The following TTPAL variants were observed in gnomAD, a reference collection of about 807,000 sequenced individuals.
The protein encoded by TTPAL is alpha tocopherol transfer protein like.
Under a neutral mutation model 28.7 loss-of-function variants are expected in TTPAL, and 21 were observed. The ratio of observed to expected loss-of-function variants is 0.73; its 90% CI spans 0.52 to 1.06. The LOEUF (loss-of-function observed/expected upper bound fraction) is 1.06, where lower values mean the gene tolerates loss of function less well. Ranked by LOEUF, TTPAL falls within the 50% of genes least tolerant of loss-of-function variation. TTPAL has a pLI of 0.00. For missense variants in TTPAL, 345 were observed against 425.5 expected, an observed-to-expected ratio of 0.81 and a Z score of 1.67; for synonymous variants, 169 against 171.9, an observed-to-expected ratio of 0.98 and a Z score of 0.13.
intron 1 of TTPAL, among the ~76,000 whole-genome samples, chr20:44,476,388 G>C (rs943359374): frequency 2.6e-5 from 4 of 152,330 alleles, no homozygotes; most frequent in Middle Eastern, 3.4e-3. Flanking sequence ...CTGAGTCCCT[G>C]GAGAGTCAAC....
Position 44,489,509 on chromosome 20 carries a change from G to A in TTPAL, c.997G>A (p.Ala333Thr). 6.2e-7 allele frequency: 1 copy of A among 1,614,232 alleles called. No individual in the cohort carries two copies. The highest frequency in any genetic ancestry group is 8.5e-7 in the Non-Finnish European group (1 of 1,180,036). ...TGCACAGTGTGACGACTCCTTGCGAGCTGTGAAGTCACAGCTGTACTCCTG... is the reference window on the plus strand; with the variant it reads ...TGCACAGTGTGACGACTCCTTGCGAACTGTGAAGTCACAGCTGTACTCCTG... Reference protein sequence around the residue: ...SDAQCDDSLRAVKSQLYSCY With the variant: ...SDAQCDDSLRTVKSQLYSCY The change falls in exon 5 of 5, where the codon GCT becomes ACT. Residue 333 changes from alanine to threonine, a missense_variant. Physicochemically the swap from Ala to Thr is moderately conservative, Grantham distance 58. Transcript: ENST00000262605.
intron 2 of TTPAL, among the ~76,000 whole-genome samples, chr20:44,483,668 T>C (rs1355909970): frequency 6.6e-6 from 1 of 152,198 alleles, no homozygotes; most frequent in Non-Finnish European, 1.5e-5. Context: ...CAGATGTCCA[T>C]GAAGGTAGGC....
At chr20:44,484,641 A>G (rs908804278) in intron 3 of TTPAL, 111 bp downstream of exon 3, 2 of 746,744 alleles carry the variant, frequency 2.7e-6, no homozygotes, top group Non-Finnish European at 4.2e-6. Context: ...CCACACCTGC[A>G]ATCTGAAAAA....
At chr20:44,483,429 A>G (rs1400460339) in intron 2 of TTPAL, among the ~76,000 whole-genome samples, 3 of 152,168 alleles carry the variant, frequency 2.0e-5, no homozygotes, top group Non-Finnish European at 4.4e-5. Context: ...CAGGGGTCCT[A>G]GAATTGAGTC....
rs1469099332 is a variant in TTPAL at position 44,489,569 on chromosome 20, T to C, written c.*28T>C. 6.3e-7 allele frequency: 1 copy of C among 1,586,542 alleles called. No homozygotes were observed. Among genetic ancestry groups the C allele is most frequent in the African/African-American group, 1.3e-5 (1 of 74,216 alleles). ...CGTCCCCCAGGGTCACCATCTTTAA[T>C]TCTTTTCCTTCTTTTCTTTGGAGAG... On this transcript the variant is annotated 3_prime_UTR_variant, in exon 5 of 5. Coordinates refer to ENST00000262605, the MANE Select transcript of TTPAL (RefSeq NM_001039199.3).
intron 4 of TTPAL, among the ~76,000 whole-genome samples, chr20:44,488,937 G>A (rs1248392794): frequency 6.6e-6 from 1 of 152,330 alleles, no homozygotes; most frequent in East Asian, 1.9e-4. Flanking sequence ...AGAGGGACAA[G>A]AGTGGGAGCA....
chr20:44,482,106 T>C (rs923752665), intron 2 of TTPAL, among the ~76,000 whole-genome samples: 1 of 152,218 alleles, frequency 6.6e-6, no homozygotes, highest in Non-Finnish European at 1.5e-5. Context: ...TTCTTCTCAA[T>C]TGGGTATCAG....
At chr20:44,483,845 G>T (rs191439214) in intron 2 of TTPAL, among the ~76,000 whole-genome samples, 7 of 152,092 alleles carry the variant, frequency 4.6e-5, no homozygotes, top group African/African-American at 1.7e-4. Context: ...TGTCACCCAG[G>T]CTGGAGTACA....
At chr20:44,489,102 G>A (rs1030868707) in intron 4 of TTPAL, among the ~76,000 whole-genome samples, 161 bp from the exon 5 acceptor site, 5 of 152,160 alleles carry the variant, frequency 3.3e-5, no homozygotes, top group Admixed American at 6.5e-5. Flanking sequence ...GAGAATTAAG[G>A]ATACTCCAGG....
chr20:44,476,306 A>T (rs1254840026), intron 1 of TTPAL, among the ~76,000 whole-genome samples: 1 of 152,200 alleles, frequency 6.6e-6, no homozygotes, highest in Non-Finnish European at 1.5e-5. Flanking sequence ...TGGTGTCTGC[A>T]TCTCACTCAT....
Position 44,489,619 on chromosome 20 carries a change from T to C in TTPAL, c.*78T>C, listed in dbSNP as rs1211836848. On this transcript the variant is annotated 3_prime_UTR_variant, in exon 5 of 5. Coordinates refer to ENST00000262605, the MANE Select transcript of TTPAL (RefSeq NM_001039199.3). ...GGCACAAGGAGAATTTAAGGGTCCA[T>C]GGATTCAGTCTTGCTCCTTGTAATT... 1 of 1,446,976 alleles carries C rather than the reference T, an allele frequency of 6.9e-7. No homozygotes were observed. The highest frequency in any genetic ancestry group is 9.3e-7 in the Non-Finnish European group (1 of 1,079,034). The allele number at this position is 1,446,976 out of a possible 1,614,324, so 89.6% of individuals were successfully genotyped here. A position where few individuals can be genotyped will look rare whatever the true frequency, so the allele number is the denominator to read the frequency against.
intron 1 of TTPAL, among the ~76,000 whole-genome samples, 178 bp downstream of exon 1, chr20:44,476,169 T>A (rs1039242835): frequency 2.6e-5 from 4 of 151,602 alleles, no homozygotes; most frequent in Non-Finnish European, 5.9e-5. Flanking sequence ...GGATATGGGG[T>A]CTCGGGGGCT....
chr20:44,483,161 ACT>A (rs2064121961), intron 2 of TTPAL, among the ~76,000 whole-genome samples: 1 of 152,126 alleles, frequency 6.6e-6, no homozygotes, highest in African/African-American at 2.4e-5. Flanking sequence ...TCTGGCCAAA[ACT>A]CAGTCTGTGT....
At chr20:44,483,733 G>GT (rs2064127270) in intron 2 of TTPAL, among the ~76,000 whole-genome samples, 1 of 152,192 alleles carries the variant, frequency 6.6e-6, no homozygotes, top group Non-Finnish European at 1.5e-5. Context: ...AGGTATTATA[G>GT]TAACTTGCCC....
intron 3 of TTPAL, 44 bp from the exon 4 acceptor site, chr20:44,486,550 GAA>G: frequency 8.4e-7 from 1 of 1,190,034 alleles, no homozygotes; most frequent in Non-Finnish European, 1.2e-6. Flanking sequence ...GGAAGGTGTG[GAA>G]AGATTCTCCA....
rs2122973559 is a variant in TTPAL, at chr20:44,491,447, A to G, written c.*1906A>G. On this transcript the variant is annotated 3_prime_UTR_variant, in exon 5 of 5. Coordinates refer to ENST00000262605, the MANE Select transcript of TTPAL (RefSeq NM_001039199.3). The stretch of plus-strand genomic sequence containing the variant: ...AAGCAGACAGCTCAGTTAGGGAGAA[A>G]ACAATACTCTGAAATTTGAAGGCCA... The G allele has an allele frequency of 6.6e-6, 1 of 152,440 alleles. No homozygotes were observed. The highest frequency in any genetic ancestry group is 6.5e-5 in the Admixed American group (1 of 15,286). 9.4% of individuals were successfully genotyped at this position (152,440 alleles called of 1,614,324 possible).
At chr20:44,486,129 G>A (rs1220489913) in intron 3 of TTPAL, 1 of 152,080 alleles carries the variant, frequency 6.6e-6, no homozygotes, top group East Asian at 1.9e-4. Flanking sequence ...CATCCAGGCT[G>A]GAGTACAGTG....
In TTPAL at chr20:44,494,058, C is replaced by T. The variant is rs1019078706; in HGVS notation, c.*4517C>T. The T allele has an allele frequency of 5.2e-5, 8 of 152,454 alleles. No homozygotes were observed. In the East Asian group the frequency reaches 1.3e-3, roughly 25 times the overall value. 9.4% of individuals were successfully genotyped at this position (152,454 alleles called of 1,614,324 possible). A position where few individuals can be genotyped will look rare whatever the true frequency, so the allele number is the denominator to read the frequency against. On this transcript the variant is annotated 3_prime_UTR_variant, in exon 5 of 5. Transcript: ENST00000262605. ...GTGTCAAATAAATAAATTCATTCTT[C>T]TGCTCTCCTGACTTAGAGAAATGGT... is the stretch of plus-strand genomic sequence containing the variant.
At chr20:44,477,234 C>T (rs2064052218) in intron 1 of TTPAL, among the ~76,000 whole-genome samples, 1 of 152,190 alleles carries the variant, frequency 6.6e-6, no homozygotes, top group South Asian at 2.1e-4. Context: ...GATGGGATTG[C>T]AGGCATCTCT....
Sources: gnomAD v4.1 joint callset for allele counts (sites outside exome capture counted in the v4.1 genomes callset) on GRCh38, gnomAD v4.1.1 for gene constraint, MANE v1.5 for transcripts, NCBI Gene and HGNC (gene_info 2026-07-23, HGNC 2026-07-21) for gene names.